NRG3: variants seen among roughly 807,000 people sequenced by gnomAD.
NRG3 encodes neuregulin 3.
Under a neutral mutation model 66.9 loss-of-function variants are expected in NRG3, and 31 were observed. The observed-to-expected ratio is 0.46, with a 90% CI of 0.35 to 0.63. The LOEUF (loss-of-function observed/expected upper bound fraction) is 0.63, where lower values mean the gene tolerates loss of function less well. NRG3 is among the 20% of genes least tolerant of loss of function. NRG3 has a pLI of 0.00. For missense variants in NRG3, 910 were observed against 878.9 expected, an observed-to-expected ratio of 1.04 and a Z score of -0.45; for synonymous variants, 393 against 359.4, an observed-to-expected ratio of 1.09 and a Z score of -1.06.
chr10:81,965,100 G>A (rs1336887042), intron 1 of NRG3, among the ~76,000 whole-genome samples: 1 of 152,184 alleles, frequency 6.6e-6, no homozygotes, highest in Admixed American at 6.5e-5. Flanking sequence ...CAGACAACCA[G>A]CTGTGTTCCT....
chr10:82,636,600 A>G (rs1169173823), intron 2 of NRG3, among the ~76,000 whole-genome samples: 1 of 152,208 alleles, frequency 6.6e-6, no homozygotes, highest in Non-Finnish European at 1.5e-5. Flanking sequence ...AGGATTTCCT[A>G]CTATTTAAAG....
At chr10:82,760,553 A>G (rs2059262394) in intron 3 of NRG3, among the ~76,000 whole-genome samples, 1 of 152,178 alleles carries the variant, frequency 6.6e-6, no homozygotes, top group East Asian at 1.9e-4. Flanking sequence ...TCTGTCATCT[A>G]ACTTCATACT....
chr10:82,121,785 A>G (rs570916413), intron 1 of NRG3, among the ~76,000 whole-genome samples: 2 of 152,200 alleles, frequency 1.3e-5, no homozygotes, highest in African/African-American at 4.8e-5. Context: ...CTGGGACTAC[A>G]GGTACATGCC....
At chr10:82,023,835 G>T (rs1465810330) in intron 1 of NRG3, among the ~76,000 whole-genome samples, 1 of 151,980 alleles carries the variant, frequency 6.6e-6, no homozygotes, top group Non-Finnish European at 1.5e-5. Context: ...GTCTGTGTCT[G>T]GTTTTGGTAT....
chr10:82,927,448 C>T (rs1847115897), intron 4 of NRG3, among the ~76,000 whole-genome samples: 4 of 152,022 alleles, frequency 2.6e-5, no homozygotes, highest in African/African-American at 9.7e-5. Flanking sequence ...GTTTGCTGCA[C>T]CTATCAACCT....
Position 82,521,033 on chromosome 10 carries a change from C to A in NRG3, c.953+162165C>A, listed in dbSNP as rs753015779. Reference sequence around the variant, plus strand: ...ATGGGATATACTCAATACAGGTACACCTCAAAAGTATTGCAAGTTCAGTTC... The same window carrying A: ...ATGGGATATACTCAATACAGGTACAACTCAAAAGTATTGCAAGTTCAGTTC... On this transcript the variant is annotated intron_variant, in intron 2 of 8. Transcript: ENST00000372141. Among the ~76,000 whole-genome samples, 5 of 152,096 alleles carry A rather than the reference C, an allele frequency of 3.3e-5. 1 individual carries two copies.
intron 1 of NRG3, among the ~76,000 whole-genome samples, chr10:81,938,509 CT>C (rs1848100983): frequency 6.7e-6 from 1 of 150,238 alleles, no homozygotes; most frequent in South Asian, 2.1e-4. Context: ...GAATTGTTTT[CT>C]TAATTTTCTT....
At chr10:82,167,216 A>G (rs2072153162) in intron 1 of NRG3, among the ~76,000 whole-genome samples, 1 of 151,610 alleles carries the variant, frequency 6.6e-6, no homozygotes, top group African/African-American at 2.4e-5. Flanking sequence ...GACATTGCAA[A>G]TTTTACTTGT....
intron 3 of NRG3, among the ~76,000 whole-genome samples, chr10:82,795,351 G>C (rs2060756353): frequency 6.6e-6 from 1 of 152,184 alleles, no homozygotes; most frequent in Admixed American, 6.5e-5. Flanking sequence ...GCACATTCAT[G>C]ACAGGATATG....
At chr10:82,387,019 C>T (rs779471239) in intron 2 of NRG3, among the ~76,000 whole-genome samples, 2 of 152,116 alleles carry the variant, frequency 1.3e-5, no homozygotes, top group African/African-American at 2.4e-5. Context: ...AGGTTGGTCT[C>T]GAACTCCTGA....
intron 1 of NRG3, among the ~76,000 whole-genome samples, chr10:82,268,800 T>A (rs925290815): frequency 1.3e-5 from 2 of 152,082 alleles, no homozygotes; most frequent in African/African-American, 2.4e-5. Flanking sequence ...GGGGGATAGA[T>A]GGTAAGTCTA....
At chr10:82,877,117 C>G (rs1036133279) in intron 4 of NRG3, among the ~76,000 whole-genome samples, 1 of 151,836 alleles carries the variant, frequency 6.6e-6, no homozygotes, top group African/African-American at 2.4e-5. Context: ...ACAGTTGCTT[C>G]AGGAGCTAGG....
At chr10:82,909,355 G>C (rs1266034420) in intron 4 of NRG3, among the ~76,000 whole-genome samples, 4 of 152,150 alleles carry the variant, frequency 2.6e-5, no homozygotes, top group African/African-American at 9.7e-5. Flanking sequence ...TCCCTAATCT[G>C]AAAATTCAAA....
chr10:82,201,061 G>A (rs1257106316), intron 1 of NRG3, among the ~76,000 whole-genome samples: 1 of 151,526 alleles, frequency 6.6e-6, no homozygotes, highest in Non-Finnish European at 1.5e-5. Flanking sequence ...GCCAGGTGTG[G>A]TGACAGGCGC....
At position 82,142,907 on chromosome 10, in the gene NRG3, A is replaced by G. The variant is rs932576288; in HGVS notation, c.824-215832A>G. ...GTAGCTGAGACTATGGGTGTGTGCC[A>G]CCACACCTGGCTAAGTTTTTTTTTT... On this transcript the variant is annotated intron_variant, in intron 1 of 8. Transcript: ENST00000372141. 2.1e-5 allele frequency among the ~76,000 whole-genome samples: 3 copies of G among 144,176 alleles called. No individual in the cohort carries two copies. The South Asian group carries it at 6.6e-4, about 32-fold the overall frequency. The allele number at this position is 144,176 out of a possible 152,430, so 94.6% of individuals were successfully genotyped here.
intron 1 of NRG3, among the ~76,000 whole-genome samples, chr10:82,298,835 T>G (rs964223923): frequency 9.2e-5 from 14 of 152,050 alleles, no homozygotes; most frequent in African/African-American, 3.4e-4. Flanking sequence ...TTACTCCAGT[T>G]TTAGGATGTT....
At chr10:82,004,129 T>G (rs1420926375) in intron 1 of NRG3, among the ~76,000 whole-genome samples, 1 of 152,008 alleles carries the variant, frequency 6.6e-6, no homozygotes, top group Non-Finnish European at 1.5e-5. Context: ...TTTAAAACAT[T>G]AATTGGAGTA....
At chr10:82,969,507 T>C (rs1249865827) in intron 6 of NRG3, among the ~76,000 whole-genome samples, 1 of 152,242 alleles carries the variant, frequency 6.6e-6, no homozygotes, top group Non-Finnish European at 1.5e-5. Flanking sequence ...TCTCTGTACC[T>C]TCTCTTTGTT....
intron 4 of NRG3, among the ~76,000 whole-genome samples, chr10:82,875,726 T>G (rs997536909): frequency 2.0e-5 from 3 of 152,230 alleles, no homozygotes; most frequent in Non-Finnish European, 2.9e-5. Context: ...CATGCGCTGT[T>G]AATCACAAGC....
Sources: allele counts gnomAD v4.1 joint callset (sites outside exome capture counted in the v4.1 genomes callset), GRCh38; gene constraint gnomAD v4.1.1; transcripts MANE v1.5; gene names NCBI Gene and HGNC (gene_info 2026-07-23, HGNC 2026-07-21).